The following PLA2G4A variants were observed in gnomAD, a reference collection of about 807,000 sequenced individuals.
PLA2G4A encodes cytosolic phospholipase A2.
Under a neutral mutation model 81.9 loss-of-function variants are expected in PLA2G4A, and 40 were observed. The ratio of observed to expected loss-of-function variants is 0.49; its 90% CI spans 0.38 to 0.64. The LOEUF is 0.64. PLA2G4A is among the 30% of genes least tolerant of loss of function. The pLI is 0.00. For synonymous variants in PLA2G4A, 302 were observed against 296.9 expected (o/e 1.02, Z -0.18); for missense variants, 715 against 905.1 (o/e 0.79, Z 2.69).
chr1:186,937,633 G>C (rs1398747324), intron 8 of PLA2G4A, among the ~76,000 whole-genome samples: 1 of 150,684 alleles, frequency 6.6e-6, no homozygotes, highest in Non-Finnish European at 1.5e-5. Context: ...ATTATTCTCA[G>C]CTTGTCTCCA....
At chr1:186,975,398 A>C (rs2102292276) in intron 15 of PLA2G4A, among the ~76,000 whole-genome samples, 1 of 152,330 alleles carries the variant, frequency 6.6e-6, no homozygotes, top group Middle Eastern at 3.4e-3. Context: ...TCAACATAAA[A>C]TTCATGACAT....
At chr1:186,830,614 A>C (rs1239623206) in intron 1 of PLA2G4A, among the ~76,000 whole-genome samples, 15 of 141,618 alleles carry the variant, frequency 1.1e-4, no homozygotes, top group Non-Finnish European at 1.9e-4. Flanking sequence ...GTCTCAAAAA[A>C]AAAAAAAAAA....
intron 1 of PLA2G4A, among the ~76,000 whole-genome samples, chr1:186,853,741 A>T (rs1466106802): frequency 6.6e-6 from 1 of 151,862 alleles, no homozygotes; most frequent in Non-Finnish European, 1.5e-5. Flanking sequence ...CCATTAAAAT[A>T]TTTTTATTTA....
At chr1:186,967,345 C>T (rs929792827) in intron 15 of PLA2G4A, among the ~76,000 whole-genome samples, 2 of 148,542 alleles carry the variant, frequency 1.3e-5, no homozygotes, top group Non-Finnish European at 3.0e-5. Flanking sequence ...GCACAGCCCA[C>T]GACCTGGCTA....
intron 3 of PLA2G4A, among the ~76,000 whole-genome samples, chr1:186,873,102 T>C (rs1653341926): frequency 6.7e-6 from 1 of 149,894 alleles, no homozygotes; most frequent in Non-Finnish European, 1.5e-5. Context: ...AAAAAGAACA[T>C]GAAGGAGTGT....
At chr1:186,949,279 A>G (rs1181233076) in intron 12 of PLA2G4A, among the ~76,000 whole-genome samples, 3 of 151,720 alleles carry the variant, frequency 2.0e-5, no homozygotes, top group Non-Finnish European at 2.9e-5. Flanking sequence ...AAGAAGAAAG[A>G]AAGAAGAAAA....
intron 10 of PLA2G4A, among the ~76,000 whole-genome samples, chr1:186,942,756 T>C (rs926469877): frequency 6.6e-6 from 1 of 152,168 alleles, no homozygotes; most frequent in Non-Finnish European, 1.5e-5. Context: ...AAAAATGCTG[T>C]TTTATATTCA....
chr1:186,852,702 T>C (rs1367357050), intron 1 of PLA2G4A, among the ~76,000 whole-genome samples: 1 of 152,008 alleles, frequency 6.6e-6, no homozygotes, highest in African/African-American at 2.4e-5. Flanking sequence ...ACCCTCATCA[T>C]CTAATCACCT....
chr1:186,966,185 T>C (rs970420230), intron 15 of PLA2G4A, among the ~76,000 whole-genome samples: 1 of 150,426 alleles, frequency 6.6e-6, no homozygotes, highest in African/African-American at 2.4e-5. Context: ...GGACTGTATC[T>C]GTAAGAGGAT....
intron 9 of PLA2G4A, among the ~76,000 whole-genome samples, chr1:186,939,655 T>C (rs1206155286): frequency 6.6e-6 from 1 of 152,188 alleles, no homozygotes; most frequent in Non-Finnish European, 1.5e-5. Flanking sequence ...ATTGCATTGA[T>C]GTTTCGTTGA....
intron 15 of PLA2G4A, among the ~76,000 whole-genome samples, chr1:186,975,355 A>G (rs1334211666): frequency 2.0e-5 from 3 of 152,204 alleles, no homozygotes; most frequent in African/African-American, 7.2e-5. Flanking sequence ...GTTCTCCTAG[A>G]TTTTTATTCA....
At position 186,888,360 on chromosome 1, in the gene PLA2G4A, TTC is replaced by T. The variant is rs376862427; in HGVS notation, c.116-4648_116-4647del. On this transcript the variant is annotated intron_variant, in intron 3 of 17. Coordinates refer to ENST00000367466, the MANE Select transcript of PLA2G4A (RefSeq NM_024420.3). ...TAGATAATGGTTTGACTCATGGTGCTTCTCAATTTGTCCTTTCCTTTTCCCAT... is the reference window on the plus strand; with the variant it reads ...TAGATAATGGTTTGACTCATGGTGCTTCAATTTGTCCTTTCCTTTTCCCAT... 5.1e-3 allele frequency among the ~76,000 whole-genome samples: 777 copies of T among 152,304 alleles called. 11 individuals carry two copies. Among genetic ancestry groups the T allele is most frequent in the African/African-American group, 0.018 (746 of 41,570 alleles).
At chr1:186,919,073 T>G (rs1655252391) in intron 7 of PLA2G4A, among the ~76,000 whole-genome samples, 2 of 152,114 alleles carry the variant, frequency 1.3e-5, no homozygotes, top group Admixed American at 1.3e-4. Context: ...ACACATAGAG[T>G]GTAAAGGGCT....
chr1:186,985,094 G>A (rs750000210), intron 17 of PLA2G4A, among the ~76,000 whole-genome samples: 1 of 152,076 alleles, frequency 6.6e-6, no homozygotes, highest in Non-Finnish European at 1.5e-5. Flanking sequence ...CTTCATTCTA[G>A]CCAGGCCAGA....
At chr1:186,920,702 T>C (rs1655317900) in intron 7 of PLA2G4A, among the ~76,000 whole-genome samples, 1 of 152,246 alleles carries the variant, frequency 6.6e-6, no homozygotes, top group Non-Finnish European at 1.5e-5. Context: ...TTAGACTGGG[T>C]ATTCTTCCCA....
intron 7 of PLA2G4A, among the ~76,000 whole-genome samples, chr1:186,919,047 A>AT (rs1220158369): frequency 1.3e-5 from 2 of 152,098 alleles, no homozygotes; most frequent in Admixed American, 1.3e-4. Flanking sequence ...TCCAACTGCC[A>AT]TTTTTTCTCT....
intron 1 of PLA2G4A, among the ~76,000 whole-genome samples, chr1:186,847,357 C>CGTGTGTGTGTGT (rs34724808): frequency 1.4e-5 from 2 of 146,292 alleles, no homozygotes; most frequent in East Asian, 2.0e-4. Flanking sequence ...TTATTTCATA[C>CGTGTGTGTGTGT]GTGTGTGTGT....
rs115148511 is a variant in PLA2G4A at position 186,891,793 on chromosome 1, C to T, written c.116-1218C>T. 6.9e-3 allele frequency among the ~76,000 whole-genome samples: 1,050 copies of T among 152,220 alleles called. 12 individuals carry two copies. The highest frequency in any genetic ancestry group is 0.024 in the African/African-American group (1,003 of 41,534). On this transcript the variant is annotated intron_variant, in intron 3 of 17. Coordinates refer to ENST00000367466, the MANE Select transcript of PLA2G4A (RefSeq NM_024420.3). ...CAGATATCTCTTCAGTATACTGATT[C>T]CTTTTTTTTGAGTATATACTCAGCA...
rs935471788 is a variant in PLA2G4A, at chr1:186,844,248, G to T, written c.-69-10038G>T. 2.7e-4 allele frequency among the ~76,000 whole-genome samples: 41 copies of T among 152,160 alleles called. 1 individual carries two copies. Among genetic ancestry groups the T allele is most frequent in the African/African-American group, 9.9e-4 (41 of 41,436 alleles). ...TATAAAGCATCTCATTTACCCATCTGAATTCCTATTGTTTCTTTATTCCTT... is the reference window on the plus strand; with the variant it reads ...TATAAAGCATCTCATTTACCCATCTTAATTCCTATTGTTTCTTTATTCCTT... On this transcript the variant is annotated intron_variant, in intron 1 of 17. Transcript: ENST00000367466.
Sources: gnomAD v4.1 joint callset for allele counts (sites outside exome capture counted in the v4.1 genomes callset) on GRCh38, gnomAD v4.1.1 for gene constraint, MANE v1.5 for transcripts, NCBI Gene and HGNC (gene_info 2026-07-23, HGNC 2026-07-21) for gene names.